EXOSC10: variants seen among roughly 807,000 people sequenced by gnomAD.
EXOSC10 encodes the protein exosome component 10, also known as exosome complex component 10.
A neutral mutation model predicts 126.6 loss-of-function variants in EXOSC10; 94 were observed. That is an observed-to-expected ratio of 0.74 (90% confidence interval 0.63 to 0.88). The LOEUF (loss-of-function observed/expected upper bound fraction) is 0.88. Among genes scored for constraint, EXOSC10 ranks in the 40% least tolerant of loss-of-function variants. EXOSC10 has a pLI of 0.00. For synonymous variants in EXOSC10, 395 were observed against 400.8 expected, an observed-to-expected ratio of 0.99 and a Z score of 0.17; for missense variants, 1,041 against 1,100.5, an observed-to-expected ratio of 0.95 and a Z score of 0.77.
At chr1:11,082,465 T>G in intron 10 of EXOSC10, 3 of 1,168,848 alleles carry the variant, frequency 2.6e-6, no homozygotes, top group East Asian at 2.8e-5. Context: ...CAACCACTAT[T>G]TCCATGGAAC....
At chr1:11,092,784 G>A (rs1274170992) in intron 3 of EXOSC10, among the ~76,000 whole-genome samples, 2 of 152,188 alleles carry the variant, frequency 1.3e-5, no homozygotes, top group African/African-American at 4.8e-5. Flanking sequence ...CTCCCAAAAT[G>A]CTAGGATTAC....
rs202104408 is a variant in EXOSC10, at chr1:11,091,033, A to C, written c.624T>G (p.Ala208=). ...FLPKIFIKPN[A]QKPLPQALSK... ...ATTTACCTTGAGGGAGAGGTTTCTG[A>C]GCATTGGGTTTGATGAAGATTTTAG... The change falls in exon 5 of 25, where the codon GCT becomes GCG. Residue 208 remains alanine (A), a synonymous_variant. Transcript: ENST00000376936. 4.3e-6 allele frequency: 7 copies of C among 1,613,906 alleles called. No homozygotes were observed. In the East Asian group the frequency reaches 1.6e-4, roughly 36 times the overall value.
chr1:11,082,993 C>G, intron 9 of EXOSC10, 115 bp from the exon 10 acceptor site: 2 of 823,194 alleles, frequency 2.4e-6, no homozygotes, highest in Non-Finnish European at 4.0e-6. Flanking sequence ...CTCCGCTGTC[C>G]CATCTGTAGT....
chr1:11,075,854 A>C (rs372895929), intron 17 of EXOSC10, among the ~76,000 whole-genome samples: 28 of 32,960 alleles, frequency 8.5e-4, no homozygotes, highest in African/African-American at 2.6e-3. Context: ...ATCCTGTCAC[A>C]AAAAAAAAAA....
intron 11 of EXOSC10, 55 bp downstream of exon 11, chr1:11,081,027 T>C (rs548804378): frequency 6.2e-7 from 1 of 1,600,494 alleles, no homozygotes; most frequent in East Asian, 2.2e-5. Context: ...AACTAGAACC[T>C]GGCCAGACAC....
At chr1:11,077,563 T>G (rs749070569) in intron 15 of EXOSC10, 38 bp downstream of exon 15, 3 of 1,613,468 alleles carry the variant, frequency 1.9e-6, no homozygotes, top group Non-Finnish European at 2.5e-6. Flanking sequence ...GACTTGACGT[T>G]TTCCCTCCTG....
At chr1:11,098,730 C>T (rs568420835) in intron 1 of EXOSC10, among the ~76,000 whole-genome samples, 1 of 152,286 alleles carries the variant, frequency 6.6e-6, no homozygotes, top group South Asian at 2.1e-4. Context: ...ATAACAGCTA[C>T]TATCTAAAAC....
At chr1:11,076,489 C>T (rs75232193) in intron 17 of EXOSC10, among the ~76,000 whole-genome samples, 3,819 of 152,296 alleles carry the variant, frequency 0.025, 61 homozygotes, top group Non-Finnish European at 0.039. Context: ...CCAGGTGAAC[C>T]GTTTTTCCTC....
chr1:11,071,068 G>A (rs1440804794), intron 20 of EXOSC10, 95 bp from the exon 21 acceptor site: 1 of 1,102,564 alleles, frequency 9.1e-7, no homozygotes, highest in South Asian at 1.4e-5. Flanking sequence ...AGCCACAGGG[G>A]TTGTCACGGC....
intron 10 of EXOSC10, 25 bp downstream of exon 10, chr1:11,082,663 A>G (rs775944491): frequency 1.2e-6 from 2 of 1,612,396 alleles, no homozygotes; most frequent in East Asian, 4.5e-5. Flanking sequence ...TGCCACCCAC[A>G]TTTCCTCAGT....
intron 9 of EXOSC10, among the ~76,000 whole-genome samples, chr1:11,083,767 T>C (rs1228429106): frequency 6.6e-6 from 1 of 152,136 alleles, no homozygotes; most frequent in Non-Finnish European, 1.5e-5. Context: ...CCCAATGCTA[T>C]CCCTCCCCCC....
intron 19 of EXOSC10, among the ~76,000 whole-genome samples, chr1:11,073,628 G>A (rs1037351815): frequency 4.0e-5 from 6 of 151,870 alleles, no homozygotes; most frequent in African/African-American, 1.2e-4. Flanking sequence ...AGTAGCTCAC[G>A]TCTGTAGTCC....
intron 3 of EXOSC10, chr1:11,095,380 G>A (rs182216234): frequency 3.0e-5 from 5 of 164,224 alleles, no homozygotes; most frequent in South Asian, 1.7e-4. Context: ...CTGTCTATCC[G>A]TATATTTTAA....
At chr1:11,077,336 G>A (rs377424028) in intron 16 of EXOSC10, 29 bp downstream of exon 16, 31 of 1,597,534 alleles carry the variant, frequency 1.9e-5, no homozygotes, top group Non-Finnish European at 2.4e-5. Context: ...CAACCTCTTC[G>A]GGACAGTCAG....
Position 11,081,157 on chromosome 1 carries a change from C to G in EXOSC10, c.1362G>C (p.Glu454Asp). 35 of 1,614,218 alleles carry G rather than the reference C, an allele frequency of 2.2e-5. No homozygotes were observed. The highest frequency in any genetic ancestry group is 2.9e-5 in the Non-Finnish European group (34 of 1,180,022). Residue 454 changes from glutamate to aspartate, a missense_variant, in exon 11 of 25, where the codon GAG (glutamate) becomes GAC (aspartate). This residue lies in a region of EXOSC10 where 645 missense variants were observed against 656.3 expected (regional missense o/e 0.98). Coordinates refer to ENST00000376936, the MANE Select transcript of EXOSC10 (RefSeq NM_001001998.3). ...GCTGCCCGTTGCCGCGCTCCCACAT[C>G]TCCAGCCTCATTTTGTCATAGATAT... ...LLYIYDKMRL[E>D]MWERGNGQPV...
In EXOSC10 at chr1:11,070,981, G is replaced by A. The variant is rs571267414; in HGVS notation, c.2243-8C>T. On this transcript the variant is annotated splice_polypyrimidine_tract_variant and splice_region_variant and intron_variant, in intron 20 of 24. Coordinates refer to ENST00000376936, the MANE Select transcript of EXOSC10 (RefSeq NM_001001998.3). ...TTGCCTGTTCCCGGGCAGCTGCAAGGGAGAGAACTTGTCTCTGGAGTTGGT... is the reference window on the plus strand; with the variant it reads ...TTGCCTGTTCCCGGGCAGCTGCAAGAGAGAGAACTTGTCTCTGGAGTTGGT... 3 of 1,613,466 alleles carry A rather than the reference G, an allele frequency of 1.9e-6. No individual in the cohort carries two copies. The South Asian group carries it at 3.3e-5, about 18-fold the overall frequency.
At chr1:11,085,543 A>G (rs1374938157) in intron 9 of EXOSC10, among the ~76,000 whole-genome samples, 2 of 152,146 alleles carry the variant, frequency 1.3e-5, no homozygotes, top group South Asian at 2.1e-4. Flanking sequence ...GGTTTTCTAG[A>G]TATACAATCA....
At chr1:11,076,806 TC>T (rs1425981439) in intron 17 of EXOSC10, 35 bp downstream of exon 17, 2 of 1,463,430 alleles carry the variant, frequency 1.4e-6, no homozygotes, top group African/African-American at 2.8e-5. Flanking sequence ...TCCCAGGGGG[TC>T]CTCATCACCT....
At chr1:11,097,256 T>C (rs12131652) in intron 2 of EXOSC10, among the ~76,000 whole-genome samples, 9,487 of 151,152 alleles carry the variant, frequency 0.063, 435 homozygotes, top group East Asian at 0.15. Flanking sequence ...TGTACACCTA[T>C]AATCCCAGCT....
Sources: allele counts gnomAD v4.1 joint callset (sites outside exome capture counted in the v4.1 genomes callset), GRCh38; gene constraint gnomAD v4.1.1; regional missense constraint gnomAD v4.1.1; transcripts MANE v1.5; gene names NCBI Gene and HGNC (gene_info 2026-07-23, HGNC 2026-07-21).